The following CAP2 variants were observed in gnomAD, a reference collection of about 807,000 sequenced individuals.
CAP2 encodes the protein adenylyl cyclase-associated protein 2.
Under a neutral mutation model 57.7 loss-of-function variants are expected in CAP2, and 24 were observed. That is an observed-to-expected ratio of 0.42 (90% CI 0.30 to 0.58). The LOEUF (loss-of-function observed/expected upper bound fraction) is 0.58, where lower values mean the gene tolerates loss of function less well. CAP2 is among the 20% of genes least tolerant of loss of function. CAP2 has a pLI of 0.22. For synonymous variants in CAP2, 194 were observed against 207.2 expected (o/e 0.94, Z 0.55); for missense variants, 501 against 590.3 (o/e 0.85, Z 1.57).
At chr6:17,418,330 T>C (rs1759340763) in intron 1 of CAP2, among the ~76,000 whole-genome samples, 1 of 152,226 alleles carries the variant, frequency 6.6e-6, no homozygotes, top group Non-Finnish European at 1.5e-5. Context: ...CTTCCTTGCA[T>C]GAGCTGTATT....
At chr6:17,490,336 A>C in intron 4 of CAP2, among the ~76,000 whole-genome samples, 1 of 152,216 alleles carries the variant, frequency 6.6e-6, no homozygotes, top group East Asian at 1.9e-4. Context: ...GCAGGATTCT[A>C]TGTGCAGTTG....
chr6:17,494,739 G>C (rs1761624081), intron 4 of CAP2, among the ~76,000 whole-genome samples: 1 of 152,148 alleles, frequency 6.6e-6, no homozygotes, highest in African/African-American at 2.4e-5. Context: ...CAGATATTTG[G>C]TGGAGTATTA....
At chr6:17,465,133 C>G (rs1760828171) in intron 4 of CAP2, among the ~76,000 whole-genome samples, 1 of 152,220 alleles carries the variant, frequency 6.6e-6, no homozygotes, top group South Asian at 2.1e-4. Flanking sequence ...TGTGGCTGTG[C>G]AGATTCTTGG....
At chr6:17,493,998 A>G (rs1581566840) in intron 4 of CAP2, among the ~76,000 whole-genome samples, 1 of 151,678 alleles carries the variant, frequency 6.6e-6, no homozygotes, top group Middle Eastern at 3.4e-3. Context: ...GTCATTCCTG[A>G]CTCCTCATTT....
intron 11 of CAP2, among the ~76,000 whole-genome samples, chr6:17,546,775 C>T (rs924817252): frequency 6.6e-6 from 1 of 152,140 alleles, no homozygotes; most frequent in African/African-American, 2.4e-5. Context: ...TGGCACAAGA[C>T]AGGGATGCCC....
At chr6:17,510,584 G>A (rs1408732523) in intron 6 of CAP2, among the ~76,000 whole-genome samples, 1 of 152,184 alleles carries the variant, frequency 6.6e-6, no homozygotes, top group East Asian at 1.9e-4. Context: ...GCCTCCAAAT[G>A]TTGCCGTGTT....
Position 17,426,631 on chromosome 6 carries a change from A to T in CAP2, c.163A>T (p.Ser55Cys), listed in dbSNP as rs1349321705. The T allele has an allele frequency of 1.9e-6, 3 of 1,613,972 alleles. No homozygotes were observed. The highest frequency in any genetic ancestry group is 1.7e-6 in the Non-Finnish European group (2 of 1,179,982). Reference sequence around the variant, plus strand: ...GGAAGCCTTTGACAAGCTGATGGACAGTATGGTGGCCGAGTTTTTAAAGAA... The same window carrying T: ...GGAAGCCTTTGACAAGCTGATGGACTGTATGGTGGCCGAGTTTTTAAAGAA... ...SVEAFDKLMD[S>C]MVAEFLKNSR... is the part of the protein sequence containing the mutation. Residue 55 changes from serine (S) to cysteine (C), a missense_variant, in exon 3 of 13, where the codon AGT becomes TGT. Physicochemically the swap from Ser to Cys is moderately radical, Grantham distance 112 (BLOSUM62 -1). Coordinates refer to ENST00000229922, the MANE Select transcript of CAP2 (RefSeq NM_006366.3).
chr6:17,452,321 G>C (rs2113580200), intron 3 of CAP2, among the ~76,000 whole-genome samples: 1 of 152,310 alleles, frequency 6.6e-6, no homozygotes, highest in East Asian at 1.9e-4. Flanking sequence ...TGACAAAACA[G>C]ATTTTACCCT....
At chr6:17,456,652 T>C (rs900862617) in intron 3 of CAP2, among the ~76,000 whole-genome samples, 7 of 152,100 alleles carry the variant, frequency 4.6e-5, no homozygotes, top group African/African-American at 1.7e-4. Context: ...TTGCACTGAG[T>C]ACACAGATGC....
chr6:17,545,807 C>T, intron 11 of CAP2, among the ~76,000 whole-genome samples: 1 of 152,006 alleles, frequency 6.6e-6, no homozygotes, highest in East Asian at 1.9e-4. Flanking sequence ...GTTTTTTGTC[C>T]TTGCGATAGT....
chr6:17,503,284 G>T (rs1761878095), intron 4 of CAP2, among the ~76,000 whole-genome samples: 1 of 152,114 alleles, frequency 6.6e-6, no homozygotes, highest in Non-Finnish European at 1.5e-5. Context: ...TCCTCTGTGT[G>T]TGTCTCTGTC....
intron 9 of CAP2, among the ~76,000 whole-genome samples, chr6:17,541,401 G>A (rs1762897223): frequency 6.6e-6 from 1 of 152,036 alleles, no homozygotes; most frequent in African/African-American, 2.4e-5. Flanking sequence ...CCAACATGGT[G>A]AAACCCTATC....
chr6:17,494,334 G>A (rs7742538), intron 4 of CAP2, among the ~76,000 whole-genome samples: 65,816 of 151,736 alleles, frequency 0.43, 14,683 homozygotes, highest in Admixed American at 0.53. Flanking sequence ...TTCAAACCCT[G>A]GCCCTTTCTC....
At chr6:17,487,946 T>TTTTG (rs904377080) in intron 4 of CAP2, among the ~76,000 whole-genome samples, 17 of 150,520 alleles carry the variant, frequency 1.1e-4, no homozygotes, top group East Asian at 3.9e-4. Context: ...GCCTAGCTAG[T>TTTTG]TTTGTTTGTT....
intron 4 of CAP2, among the ~76,000 whole-genome samples, chr6:17,464,635 TC>T (rs1760815938): frequency 6.6e-6 from 1 of 152,208 alleles, no homozygotes; most frequent in African/African-American, 2.4e-5. Context: ...ATTCTGACTT[TC>T]AACCAGAGCT....
chr6:17,403,334 C>G (rs1389606277), intron 1 of CAP2, among the ~76,000 whole-genome samples: 1 of 152,252 alleles, frequency 6.6e-6, no homozygotes. Flanking sequence ...AACTCCTGAC[C>G]TCAGGTGATC....
At chr6:17,411,154 C>A (rs763420927) in intron 1 of CAP2, among the ~76,000 whole-genome samples, 1 of 152,128 alleles carries the variant, frequency 6.6e-6, no homozygotes, top group East Asian at 1.9e-4. Context: ...CTGAATAATA[C>A]TCCATTATAA....
At chr6:17,403,246 C>T (rs543677769) in intron 1 of CAP2, among the ~76,000 whole-genome samples, 96 of 152,284 alleles carry the variant, frequency 6.3e-4, no homozygotes, top group Middle Eastern at 6.8e-3. Context: ...GGACTACAGG[C>T]GCGAGCCACC....
At chr6:17,394,467 G>C (rs1758621394) in intron 1 of CAP2, among the ~76,000 whole-genome samples, 1 of 152,162 alleles carries the variant, frequency 6.6e-6, no homozygotes, top group Non-Finnish European at 1.5e-5. Flanking sequence ...GGTGTTCGCT[G>C]CAAGTTGTAG....
Sources: allele counts gnomAD v4.1 joint callset (sites outside exome capture counted in the v4.1 genomes callset), GRCh38; gene constraint gnomAD v4.1.1; transcripts MANE v1.5; gene names NCBI Gene and HGNC (gene_info 2026-07-23, HGNC 2026-07-21).